Variants in SECISBP2 observed in about 807,000 individuals in gnomAD.
The protein encoded by SECISBP2 is selenocysteine insertion sequence-binding protein 2.
A neutral mutation model predicts 98.2 loss-of-function variants in SECISBP2; 96 were observed. That is an observed-to-expected ratio of 0.98 (90% CI 0.83 to 1.16). The LOEUF is 1.16. Among genes scored for constraint, SECISBP2 ranks in the 50% most tolerant of loss-of-function variants. SECISBP2 has a pLI of 0.00. For missense variants in SECISBP2, 1,046 were observed against 1,022.9 expected, an observed-to-expected ratio of 1.02 and a Z score of -0.31; for synonymous variants, 407 against 370.2, an observed-to-expected ratio of 1.10 and a Z score of -1.14.
At chr9:89,346,679 T>C (rs1293828942) in intron 10 of SECISBP2, among the ~76,000 whole-genome samples, 1 of 133,700 alleles carries the variant, frequency 7.5e-6, no homozygotes, top group Admixed American at 7.4e-5. Flanking sequence ...CAAAAGATAC[T>C]AAGTTTCATT....
At chr9:89,346,853 C>G in intron 10 of SECISBP2, 29 bp from the exon 11 acceptor site, 1 of 1,613,388 alleles carries the variant, frequency 6.2e-7, no homozygotes, top group Non-Finnish European at 8.5e-7. Flanking sequence ...GGGAGGTGAC[C>G]GTGAGGGCTT....
intron 7 of SECISBP2, among the ~76,000 whole-genome samples, chr9:89,336,737 C>T (rs1184563585): frequency 6.9e-6 from 1 of 144,372 alleles, no homozygotes; most frequent in Non-Finnish European, 1.5e-5. Flanking sequence ...TGGCCAGGCG[C>T]AGGCTGGACA....
At chr9:89,347,522 G>A (rs1344883935) in intron 11 of SECISBP2, among the ~76,000 whole-genome samples, 1 of 145,510 alleles carries the variant, frequency 6.9e-6, no homozygotes, top group Non-Finnish European at 1.5e-5. Flanking sequence ...GCCCAGGCTG[G>A]AGTGCAATAG....
At chr9:89,365,456 C>G in the SECISBP2 span, 2 of 152,396 alleles carry the variant, frequency 1.3e-5, no homozygotes, top group African/African-American at 2.4e-5. Context: ...CCAAGGCCCC[C>G]AAATGGGCCA....
rs371767635 is a variant in SECISBP2, at chr9:89,334,498, A to G, written c.881-24A>G. The G allele has an allele frequency of 1.4e-5, 22 of 1,601,360 alleles. No homozygotes were observed. In the African/African-American group the frequency reaches 2.1e-4, roughly 16 times the overall value. Reference sequence around the variant, plus strand: ...TCTATTTTACTGTTGAGATTGTTCAACAATTTTGGTTATCTTTGAGCAGAG... The same window carrying G: ...TCTATTTTACTGTTGAGATTGTTCAGCAATTTTGGTTATCTTTGAGCAGAG... On this transcript the variant is annotated intron_variant, in intron 6 of 16. Coordinates refer to ENST00000375807, the MANE Select transcript of SECISBP2 (RefSeq NM_024077.5).
intron 10 of SECISBP2, among the ~76,000 whole-genome samples, chr9:89,343,155 A>AG (rs1194690849): frequency 3.9e-5 from 6 of 152,196 alleles, no homozygotes; most frequent in Non-Finnish European, 8.8e-5. Context: ...AACAGTGTTG[A>AG]GTAGTGCTGA....
intron 10 of SECISBP2, among the ~76,000 whole-genome samples, chr9:89,343,691 A>G (rs924098830): frequency 6.6e-6 from 1 of 152,194 alleles, no homozygotes; most frequent in Non-Finnish European, 1.5e-5. Flanking sequence ...TTATGACTGC[A>G]TAGTATTCCA....
chr9:89,335,414 G>A (rs1027810196), intron 7 of SECISBP2, among the ~76,000 whole-genome samples: 3 of 150,478 alleles, frequency 2.0e-5, no homozygotes, highest in African/African-American at 7.3e-5. Context: ...CTCACTGCAA[G>A]CTCCGCCTCT....
At position 89,318,691 on chromosome 9, in the gene SECISBP2, G is replaced by A. The variant is rs1012854030; in HGVS notation, c.36+79G>A. 9 of 1,326,788 alleles carry A rather than the reference G, an allele frequency of 6.8e-6. No homozygotes were observed. The African/African-American group carries it at 9.3e-5, about 14-fold the overall frequency. The allele number at this position is 1,326,788 out of a possible 1,614,324, so 82.2% of individuals were successfully genotyped here. A position where few individuals can be genotyped will look rare whatever the true frequency, so the allele number is the denominator to read the frequency against. On this transcript the variant is annotated intron_variant, in intron 1 of 16. Transcript: ENST00000375807. The stretch of plus-strand genomic sequence containing the variant: ...ACTGGGGGCTCGGCCGGGCGGTGAC[G>A]GGGCTGGTCCAGCGGGCGTGGGTCG...
chr9:89,318,916 G>A (rs982496803), intron 1 of SECISBP2: 8 of 1,224,114 alleles, frequency 6.5e-6, no homozygotes, highest in African/African-American at 1.6e-5. Context: ...ACTCTGGCGA[G>A]CTTCCCGCGC....
intron 10 of SECISBP2, among the ~76,000 whole-genome samples, chr9:89,343,592 G>T (rs1005303611): frequency 6.6e-6 from 1 of 152,192 alleles, no homozygotes; most frequent in Non-Finnish European, 1.5e-5. Flanking sequence ...AGAACATGTG[G>T]TATTTGGTTT....
Position 89,350,765 on chromosome 9 carries a change from G to T in SECISBP2, c.2026G>T (p.Gly676Trp). The change falls in exon 14 of 17, where the codon GGG (glycine) becomes TGG (tryptophan). Residue 676 changes from glycine to tryptophan, a missense_variant. By Grantham distance (184) the Gly-to-Trp change is radical (BLOSUM62 -2). Coordinates refer to ENST00000375807, the MANE Select transcript of SECISBP2 (RefSeq NM_024077.5). Reference sequence around the variant, plus strand: ...CAAGACTAAACGTCGACTTGTGTTGGGGTTGAGGGAGGTTCTCAAACACCT... The same window carrying T: ...CAAGACTAAACGTCGACTTGTGTTGTGGTTGAGGGAGGTTCTCAAACACCT... ...KAKTKRRLVL[G>W]LREVLKHLKL... 6.2e-7 allele frequency: 1 copy of T among 1,614,202 alleles called. No individual in the cohort carries two copies. Among genetic ancestry groups the T allele is most frequent in the Non-Finnish European group, 8.5e-7 (1 of 1,180,032 alleles).
intron 10 of SECISBP2, among the ~76,000 whole-genome samples, chr9:89,342,927 TACC>T (rs954095457): frequency 1.3e-5 from 2 of 152,248 alleles, no homozygotes; most frequent in East Asian, 1.9e-4. Context: ...TATGTCATAT[TACC>T]ACAATTAAAA....
intron 7 of SECISBP2, among the ~76,000 whole-genome samples, chr9:89,336,243 C>T (rs1048020255): frequency 6.6e-6 from 1 of 151,594 alleles, no homozygotes; most frequent in Non-Finnish European, 1.5e-5. Flanking sequence ...GCCGTGTTTC[C>T]CAGGCTGGTC....
rs1288552830 is a variant in SECISBP2, at chr9:89,359,578, T to C, written c.*754T>C. The C allele has an allele frequency of 6.6e-6, 1 of 152,194 alleles. No individual in the cohort carries two copies. The highest frequency in any genetic ancestry group is 2.4e-5 in the African/African-American group (1 of 41,448). 9.4% of individuals were successfully genotyped at this position (152,194 alleles called of 1,614,324 possible). On this transcript the variant is annotated 3_prime_UTR_variant, in exon 17 of 17. Transcript: ENST00000375807. ...CTGTCTTAGACCAGGAGGACAGAGT[T>C]TGCTTTCATATTTTCCCTGTAAGTA... is the stretch of plus-strand genomic sequence containing the variant.
intron 5 of SECISBP2, among the ~76,000 whole-genome samples, chr9:89,331,648 CAG>C (rs1827775831): frequency 6.6e-6 from 1 of 152,196 alleles, no homozygotes; most frequent in African/African-American, 2.4e-5. Context: ...CTTCATAACA[CAG>C]GGCATACATT....
At chr9:89,337,476 T>C (rs1289730497) in intron 7 of SECISBP2, among the ~76,000 whole-genome samples, 1 of 152,240 alleles carries the variant, frequency 6.6e-6, no homozygotes, top group African/African-American at 2.4e-5. Context: ...CAATCTGGCA[T>C]ATGTCCTGCC....
chr9:89,344,766 T>A (rs1054476286), intron 10 of SECISBP2, among the ~76,000 whole-genome samples: 1 of 152,240 alleles, frequency 6.6e-6, no homozygotes, highest in Non-Finnish European at 1.5e-5. Context: ...GAAGAAACTT[T>A]ACTCCAGTAG....
rs1055240703 is a variant in SECISBP2 at position 89,318,630 on chromosome 9, C to G, written c.36+18C>G. The stretch of plus-strand genomic sequence containing the variant: ...AAAGCGAGGTAAGGGCCGACGGGGG[C>G]TCTCTCGGCAGCCTCAGTCCGTCCG... On this transcript the variant is annotated intron_variant, in intron 1 of 16. Coordinates refer to ENST00000375807, the MANE Select transcript of SECISBP2 (RefSeq NM_024077.5). 1 of 1,420,854 alleles carries G rather than the reference C, an allele frequency of 7.0e-7. No individual in the cohort carries two copies. The highest frequency in any genetic ancestry group is 9.1e-7 in the Non-Finnish European group (1 of 1,095,946). The allele number at this position is 1,420,854 out of a possible 1,614,324, so 88.0% of individuals were successfully genotyped here.
Sources: allele counts gnomAD v4.1 joint callset (sites outside exome capture counted in the v4.1 genomes callset), GRCh38; gene constraint gnomAD v4.1.1; transcripts MANE v1.5; gene names NCBI Gene and HGNC (gene_info 2026-07-23, HGNC 2026-07-21).